Variants in FRMD6 observed in about 807,000 individuals in gnomAD.
FRMD6 encodes the protein FERM domain containing 6, also known as FERM domain-containing protein 6.
FRMD6 carries 37 observed loss-of-function variants against 73.2 expected under a neutral mutation model. That is an observed-to-expected ratio of 0.51 (90% CI 0.39 to 0.66). The LOEUF (loss-of-function observed/expected upper bound fraction) is 0.66, where lower values mean the gene tolerates loss of function less well. Among genes scored for constraint, FRMD6 ranks in the 30% least tolerant of loss-of-function variants. The probability of loss-of-function intolerance (pLI) is 0.00; values close to 1 mark genes in which losing one functional copy is unlikely to be tolerated. For missense variants in FRMD6, 714 were observed against 780.5 expected (o/e 0.91, Z 1.02); for synonymous variants, 273 against 282.2 (o/e 0.97, Z 0.33).
chr14:51,538,262 T>C (rs1036445961), intron 1 of FRMD6, among the ~76,000 whole-genome samples: 2 of 152,184 alleles, frequency 1.3e-5, no homozygotes, highest in African/African-American at 4.8e-5. Context: ...GTCTTTTTTA[T>C]TGTTGAGTTT....
chr14:51,652,314 C>G (rs974080612), intron 1 of FRMD6: 1 of 152,896 alleles, frequency 6.5e-6, no homozygotes, highest in Non-Finnish European at 1.5e-5. Flanking sequence ...AGGCGTGGAG[C>G]TCGGGGCGGC....
chr14:51,616,024 A>G (rs1890694247), intron 2 of FRMD6, among the ~76,000 whole-genome samples: 1 of 152,212 alleles, frequency 6.6e-6, no homozygotes, highest in Non-Finnish European at 1.5e-5. Context: ...TAGATCTTGG[A>G]AGATATGGGT....
chr14:51,541,420 A>C (rs1467383781), intron 1 of FRMD6, among the ~76,000 whole-genome samples: 1 of 152,102 alleles, frequency 6.6e-6, no homozygotes, highest in Non-Finnish European at 1.5e-5. Flanking sequence ...CTTCTCATGG[A>C]GTTTATATCC....
chr14:51,434,529 T>TAATAATGGATTAGACTCAA, the FRMD6 span, among the ~76,000 whole-genome samples: 99,450 of 151,898 alleles, frequency 0.65, 32,809 homozygotes, highest in African/African-American at 0.7. Flanking sequence ...TAAAAAATTG[T>TAATAATGGATTAGACTCAA]AATAAGTATC....
the FRMD6 span, among the ~76,000 whole-genome samples, chr14:51,440,765 G>A: frequency 1.3e-5 from 2 of 152,212 alleles, no homozygotes; most frequent in Non-Finnish European, 2.9e-5. Flanking sequence ...AACGTGTCAA[G>A]CACTGTGCAA....
chr14:51,649,805 C>A (rs1892252657), upstream of FRMD6: 1 of 152,128 alleles, frequency 6.6e-6, no homozygotes, highest in Admixed American at 6.5e-5. Flanking sequence ...GTCACCCAGG[C>A]TAGAGTCCCG....
chr14:51,647,217 C>G (rs960640673), upstream of FRMD6, among the ~76,000 whole-genome samples: 1 of 151,806 alleles, frequency 6.6e-6, no homozygotes, highest in African/African-American at 2.4e-5. Context: ...TTAATTTTTT[C>G]AACTCTGTAT....
At chr14:51,520,671 GT>G (rs1216423208) in intron 1 of FRMD6, among the ~76,000 whole-genome samples, 1 of 152,150 alleles carries the variant, frequency 6.6e-6, no homozygotes, top group Non-Finnish European at 1.5e-5. Flanking sequence ...GCTGAGGCAG[GT>G]GGGTCCCTTG....
At chr14:51,397,983 G>A in the FRMD6 span, among the ~76,000 whole-genome samples, 5 of 152,058 alleles carry the variant, frequency 3.3e-5, no homozygotes, top group African/African-American at 1.2e-4. Context: ...TTCAGATAAC[G>A]GGTATTCAAC....
chr14:51,446,211 A>T, the FRMD6 span, among the ~76,000 whole-genome samples: 6 of 152,220 alleles, frequency 3.9e-5, no homozygotes, highest in Non-Finnish European at 8.8e-5. Flanking sequence ...TCTGCATCGC[A>T]GCAGAGCTTT....
chr14:51,466,796 G>T, the FRMD6 span, among the ~76,000 whole-genome samples: 2 of 152,132 alleles, frequency 1.3e-5, no homozygotes, highest in African/African-American at 4.8e-5. Flanking sequence ...TTTTGATAAG[G>T]ATTACATAGA....
intron 1 of FRMD6, among the ~76,000 whole-genome samples, chr14:51,686,236 A>G (rs1895142633): frequency 6.6e-6 from 1 of 152,180 alleles, no homozygotes; most frequent in Admixed American, 6.5e-5. Context: ...TCTGTATACC[A>G]CACCGGCACC....
rs1384196940 is a variant in FRMD6 at position 51,679,162 on chromosome 14, A to G, written c.-146-10529A>G. On this transcript the variant is annotated intron_variant, in intron 1 of 13. Transcript: ENST00000344768. ...GCATTGTGGGGGATGGCTTTAAGGA[A>G]TGAGACAAGACAGAGAACATTTAAA... Among the ~76,000 whole-genome samples, 3 of 152,234 alleles carry G rather than the reference A, an allele frequency of 2.0e-5. No homozygotes were observed. In the East Asian group the frequency reaches 5.8e-4, roughly 29 times the overall value.
At chr14:51,506,146 T>G (rs1883950187) in intron 1 of FRMD6, among the ~76,000 whole-genome samples, 1 of 152,216 alleles carries the variant, frequency 6.6e-6, no homozygotes. Flanking sequence ...TTCCTCTGCA[T>G]GAAATGGCCT....
chr14:51,525,070 A>AATAGATAGATGACAGATAG (rs141984847), intron 1 of FRMD6, among the ~76,000 whole-genome samples: 1 of 101,982 alleles, frequency 9.8e-6, no homozygotes, highest in African/African-American at 4.0e-5. Context: ...AGACAAATAG[A>AATAGATAGATGACAGATAG]ATAGATAGAT....
Position 51,725,809 on chromosome 14 carries a change from C to T in FRMD6, c.1523C>T (p.Thr508Ile), listed in dbSNP as rs1292018672. ...GLIVKEIGSS[T>I]SSSSETVVKL... ...ATTGTGAAAGAAATTGGGTCTTCCA[C>T]CTCGAGCTCTTCAGAAACAGTTGTT... is the stretch of plus-strand genomic sequence containing the variant. The change falls in exon 13 of 14, where the codon ACC (threonine) becomes ATC (isoleucine). Residue 508 changes from threonine to isoleucine, a missense_variant. Thr to Ile is a moderately conservative substitution (Grantham distance 89). Transcript: ENST00000344768. 6.2e-7 allele frequency: 1 copy of T among 1,613,716 alleles called. No homozygotes were observed. Among genetic ancestry groups the T allele is most frequent in the African/African-American group, 1.3e-5 (1 of 74,906 alleles).
At chr14:51,607,324 T>C (rs182852622) in intron 2 of FRMD6, among the ~76,000 whole-genome samples, 11 of 152,212 alleles carry the variant, frequency 7.2e-5, no homozygotes, top group Admixed American at 6.5e-4. Context: ...TATGAAACTA[T>C]CAATATTTGG....
the FRMD6 span, among the ~76,000 whole-genome samples, chr14:51,468,323 G>A: frequency 7.2e-6 from 1 of 138,742 alleles, no homozygotes; most frequent in African/African-American, 2.7e-5. Flanking sequence ...GGGAGGGAGA[G>A]GGGGAGGGGG....
At chr14:51,669,694 C>G (rs149294204) in intron 1 of FRMD6, among the ~76,000 whole-genome samples, 433 of 152,090 alleles carry the variant, frequency 2.8e-3, no homozygotes, top group Non-Finnish European at 4.5e-3. Flanking sequence ...TTAAGAGTTG[C>G]ATTGTTCTTG....
Sources: gnomAD v4.1 joint callset for allele counts (sites outside exome capture counted in the v4.1 genomes callset) on GRCh38, gnomAD v4.1.1 for gene constraint, MANE v1.5 for transcripts, NCBI Gene and HGNC (gene_info 2026-07-23, HGNC 2026-07-21) for gene names.